Variants in FRMD4A observed in about 807,000 individuals in gnomAD.
FRMD4A encodes the protein FERM domain-containing protein 4A.
In FRMD4A, 29 loss-of-function variants were observed where a neutral mutation model predicts 129.1. That is an observed-to-expected ratio of 0.22 (90% CI 0.17 to 0.31). The LOEUF (loss-of-function observed/expected upper bound fraction) is 0.31. Ranked by LOEUF, FRMD4A falls within the 10% of genes least tolerant of loss-of-function variation. The pLI is 1.00. For synonymous variants in FRMD4A, 634 were observed against 571.6 expected, an observed-to-expected ratio of 1.11 and a Z score of -1.56; for missense variants, 1,272 against 1,375.8, an observed-to-expected ratio of 0.92 and a Z score of 1.19.
chr10:14,013,582 A>G (rs1259544779), intron 2 of FRMD4A, among the ~76,000 whole-genome samples: 1 of 152,180 alleles, frequency 6.6e-6, no homozygotes, highest in Non-Finnish European at 1.5e-5. Context: ...AAAACCCACA[A>G]GGCACCCTGC....
intron 2 of FRMD4A, among the ~76,000 whole-genome samples, chr10:14,042,419 T>C (rs560926386): frequency 1.3e-5 from 2 of 152,338 alleles, no homozygotes; most frequent in Admixed American, 1.3e-4. Flanking sequence ...AGCAGTAAAG[T>C]GGACGCGTCA....
chr10:14,016,257 T>C (rs1257866734), intron 2 of FRMD4A, among the ~76,000 whole-genome samples: 3 of 152,170 alleles, frequency 2.0e-5, no homozygotes, highest in African/African-American at 7.2e-5. Context: ...TAAATCTTTA[T>C]CATAGCAAGC....
At chr10:13,797,707 C>T (rs988057497) in intron 4 of FRMD4A, among the ~76,000 whole-genome samples, 1 of 152,218 alleles carries the variant, frequency 6.6e-6, no homozygotes, top group Non-Finnish European at 1.5e-5. Context: ...ACAGACCCAA[C>T]TGACCCCACT....
At chr10:13,834,469 G>A (rs10796135) in intron 3 of FRMD4A, among the ~76,000 whole-genome samples, 85,102 of 151,974 alleles carry the variant, frequency 0.56, 24,254 homozygotes, top group South Asian at 0.78. Context: ...CTCCAGGAGG[G>A]AGAAAAATGG....
chr10:13,854,586 A>ATTTTTT (rs34618985), intron 3 of FRMD4A, among the ~76,000 whole-genome samples: 9 of 130,534 alleles, frequency 6.9e-5, no homozygotes, highest in Non-Finnish European at 9.8e-5. Context: ...ACACCGAGCT[A>ATTTTTT]TTTTTTTTTT....
At chr10:13,994,615 C>G (rs960878093) in intron 2 of FRMD4A, among the ~76,000 whole-genome samples, 10 of 152,204 alleles carry the variant, frequency 6.6e-5, no homozygotes, top group African/African-American at 2.4e-4. Context: ...AAACTGGCAT[C>G]TTAGGCAATG....
intron 2 of FRMD4A, among the ~76,000 whole-genome samples, chr10:14,304,674 A>T (rs1156801802): frequency 6.6e-6 from 1 of 152,106 alleles, no homozygotes; most frequent in African/African-American, 2.4e-5. Context: ...GTCCCACCAG[A>T]TCTCCTCCTC....
At chr10:13,767,737 T>G (rs73593003) in intron 6 of FRMD4A, among the ~76,000 whole-genome samples, 2,524 of 152,296 alleles carry the variant, frequency 0.017, 72 homozygotes, top group African/African-American at 0.057. Context: ...ATCTGCCTTA[T>G]GCAGGGGCTG....
At chr10:13,974,386 G>T (rs1001023414) in intron 2 of FRMD4A, among the ~76,000 whole-genome samples, 2 of 152,090 alleles carry the variant, frequency 1.3e-5, no homozygotes, top group African/African-American at 4.8e-5. Flanking sequence ...GTCTGGAATC[G>T]GAGCCTGGTG....
intron 2 of FRMD4A, among the ~76,000 whole-genome samples, chr10:13,951,812 C>T (rs1272165478): frequency 6.6e-6 from 1 of 151,460 alleles, no homozygotes; most frequent in Non-Finnish European, 1.5e-5. Context: ...ATCCCTTGAA[C>T]CCAGGAGTCA....
intron 2 of FRMD4A, among the ~76,000 whole-genome samples, chr10:13,951,573 T>A (rs1047594721): frequency 6.6e-6 from 1 of 151,842 alleles, no homozygotes; most frequent in East Asian, 1.9e-4. Flanking sequence ...ACAGGACAAA[T>A]GTTAAGGTGA....
chr10:14,027,947 G>A (rs1485664948), intron 2 of FRMD4A, among the ~76,000 whole-genome samples: 1 of 152,074 alleles, frequency 6.6e-6, no homozygotes, highest in Non-Finnish European at 1.5e-5. Flanking sequence ...GCCACTTGGA[G>A]TAACTGGGTA....
At chr10:13,895,822 GA>G (rs955363141) in intron 2 of FRMD4A, among the ~76,000 whole-genome samples, 2 of 151,870 alleles carry the variant, frequency 1.3e-5, no homozygotes, top group Non-Finnish European at 2.9e-5. Flanking sequence ...AAATTTACAA[GA>G]AAAAAACAAA....
intron 2 of FRMD4A, among the ~76,000 whole-genome samples, chr10:14,308,558 A>G (rs1167001181): frequency 1.3e-5 from 2 of 152,098 alleles, no homozygotes; most frequent in Non-Finnish European, 1.5e-5. Flanking sequence ...TCTTTTTTGA[A>G]TTCAAAGATA....
At chr10:14,263,773 T>A (rs1248866090) in intron 2 of FRMD4A, among the ~76,000 whole-genome samples, 1 of 152,060 alleles carries the variant, frequency 6.6e-6, no homozygotes, top group Non-Finnish European at 1.5e-5. Context: ...ACTATCAGGT[T>A]CTCGGTTTTC....
At chr10:13,963,269 CTTTTTTTTTT>C (rs142764391) in intron 2 of FRMD4A, among the ~76,000 whole-genome samples, 3 of 116,816 alleles carry the variant, frequency 2.6e-5, no homozygotes, top group African/African-American at 6.5e-5. Flanking sequence ...GTGCAAGCCT[CTTTTTTTTTT>C]TTTTTTTTTT....
intron 9 of FRMD4A, among the ~76,000 whole-genome samples, chr10:13,745,447 T>C (rs915225095): frequency 2.2e-4 from 33 of 152,162 alleles, no homozygotes; most frequent in African/African-American, 7.7e-4. Flanking sequence ...TGGGCACTTA[T>C]GGGTCTGAAG....
intron 2 of FRMD4A, among the ~76,000 whole-genome samples, chr10:14,281,984 T>G (rs1845534166): frequency 6.6e-6 from 1 of 152,146 alleles, no homozygotes; most frequent in South Asian, 2.1e-4. Context: ...GGACTCACAG[T>G]TACACGTGGC....
At chr10:14,183,755 G>A (rs552690573) in intron 2 of FRMD4A, among the ~76,000 whole-genome samples, 1 of 152,236 alleles carries the variant, frequency 6.6e-6, no homozygotes, top group Non-Finnish European at 1.5e-5. Flanking sequence ...TTTTAAAAAT[G>A]TTCATAAACA....
Sources: gnomAD v4.1 joint callset for allele counts (sites outside exome capture counted in the v4.1 genomes callset) on GRCh38, gnomAD v4.1.1 for gene constraint, MANE v1.5 for transcripts, NCBI Gene and HGNC (gene_info 2026-07-23, HGNC 2026-07-21) for gene names.